MAP2K4: variants seen among roughly 807,000 people sequenced by gnomAD.
MAP2K4 encodes the protein dual specificity mitogen-activated protein kinase kinase 4.
In MAP2K4, 4 loss-of-function variants were observed where a neutral mutation model predicts 48.5. The ratio of observed to expected loss-of-function variants is 0.08; its 90% confidence interval spans 0.04 to 0.19. The LOEUF is 0.19. MAP2K4 is among the 10% of genes least tolerant of loss of function. The probability of loss-of-function intolerance (pLI) is 1.00; values close to 1 mark genes in which losing one functional copy is unlikely to be tolerated. For synonymous variants in MAP2K4, 166 were observed against 173.1 expected, an observed-to-expected ratio of 0.96 and a Z score of 0.32; for missense variants, 258 against 493.3, an observed-to-expected ratio of 0.52 and a Z score of 4.52.
chr17:12,042,167 CAAAA>C (rs71142262), intron 1 of MAP2K4, among the ~76,000 whole-genome samples: 3 of 55,384 alleles, frequency 5.4e-5, no homozygotes, highest in Non-Finnish European at 9.6e-5. Flanking sequence ...AACTTTGTCT[CAAAA>C]AAAAAAAAAA....
At chr17:12,106,611 C>A (rs1172084479) in intron 4 of MAP2K4, among the ~76,000 whole-genome samples, 2 of 151,694 alleles carry the variant, frequency 1.3e-5, no homozygotes, top group South Asian at 2.1e-4. Context: ...ATTATATAAT[C>A]GAAGGATAGG....
At chr17:12,137,760 C>T (rs1567678011) in intron 9 of MAP2K4, among the ~76,000 whole-genome samples, 1 of 151,834 alleles carries the variant, frequency 6.6e-6, no homozygotes, top group East Asian at 1.9e-4. Flanking sequence ...AAAGTGAAGT[C>T]TCTTTATCAT....
chr17:12,141,119 G>T, intron 10 of MAP2K4, 28 bp from the exon 11 acceptor site: 1 of 1,456,326 alleles, frequency 6.9e-7, no homozygotes, highest in South Asian at 1.1e-5. Context: ...ACAAACTTTT[G>T]ACTTTTTTGT....
chr17:12,109,015 G>A (rs1972220056), intron 5 of MAP2K4, among the ~76,000 whole-genome samples: 1 of 151,718 alleles, frequency 6.6e-6, no homozygotes, highest in Non-Finnish European at 1.5e-5. Flanking sequence ...ATAGCTAATG[G>A]TTATTAAATG....
At chr17:12,069,749 CG>C in intron 2 of MAP2K4, 2 of 1,106,986 alleles carry the variant, frequency 1.8e-6, no homozygotes, top group South Asian at 2.1e-5. Context: ...TGGAAATTTC[CG>C]GAATTAACAG....
intron 9 of MAP2K4, among the ~76,000 whole-genome samples, chr17:12,134,596 GAATTAA>G (rs912894020): frequency 2.0e-4 from 30 of 152,190 alleles, no homozygotes; most frequent in Non-Finnish European, 1.6e-4. Flanking sequence ...TGTAGACAAA[GAATTAA>G]AATTAAAATT....
At chr17:12,035,187 A>G (rs779490773) in intron 1 of MAP2K4, among the ~76,000 whole-genome samples, 1 of 152,240 alleles carries the variant, frequency 6.6e-6, no homozygotes, top group Non-Finnish European at 1.5e-5. Flanking sequence ...GAATATAGAC[A>G]TTAACTTTAT....
chr17:12,044,308 A>G (rs556417838), intron 1 of MAP2K4, among the ~76,000 whole-genome samples: 93 of 152,266 alleles, frequency 6.1e-4, no homozygotes, highest in African/African-American at 2.1e-3. Context: ...AAGGATGAAC[A>G]TGGTTTGTTT....
intron 1 of MAP2K4, among the ~76,000 whole-genome samples, chr17:12,024,788 A>G (rs1969204841): frequency 2.0e-5 from 3 of 152,202 alleles, no homozygotes; most frequent in Admixed American, 6.5e-5. Flanking sequence ...ATTTTAGCCA[A>G]CCTAAAGTAC....
rs543722111 is a variant in MAP2K4 at position 12,030,383 on chromosome 17, T to C, written c.115+9382T>C. ...TGGATGTTTGGATGAGACCCCAGAA[T>C]TCGTTCACCTGGTCACTTCATAATT... On this transcript the variant is annotated intron_variant, in intron 1 of 10. Coordinates refer to ENST00000353533, the MANE Select transcript of MAP2K4 (RefSeq NM_003010.4). Among the ~76,000 whole-genome samples, 6 of 152,300 alleles carry C rather than the reference T, an allele frequency of 3.9e-5. No individual in the cohort carries two copies. In the East Asian group the frequency reaches 5.8e-4, roughly 15 times the overall value.
chr17:12,046,754 G>A (rs1283393540), intron 1 of MAP2K4, among the ~76,000 whole-genome samples: 1 of 152,144 alleles, frequency 6.6e-6, no homozygotes, highest in Non-Finnish European at 1.5e-5. Context: ...GGTTTAAAAG[G>A]AATTTAGGGT....
At chr17:12,093,406 T>C (rs561954366) in intron 3 of MAP2K4, among the ~76,000 whole-genome samples, 1 of 152,298 alleles carries the variant, frequency 6.6e-6, no homozygotes, top group African/African-American at 2.4e-5. Flanking sequence ...ATGTAGTCCA[T>C]ATATCCTTTC....
intron 2 of MAP2K4, among the ~76,000 whole-genome samples, chr17:12,074,353 A>G (rs1250777847): frequency 1.3e-5 from 2 of 151,960 alleles, no homozygotes; most frequent in Non-Finnish European, 2.9e-5. Flanking sequence ...TTGTATTTTC[A>G]TGAATGTTTT....
chr17:12,070,867 G>A (rs1273923868), intron 2 of MAP2K4, among the ~76,000 whole-genome samples: 7 of 152,210 alleles, frequency 4.6e-5, no homozygotes, highest in Non-Finnish European at 1.0e-4. Context: ...CAAGGCTTCT[G>A]TGAGATTACC....
rs28918125 is a variant in MAP2K4 at position 12,073,202 on chromosome 17, C to G, written c.219-8154C>G. On this transcript the variant is annotated intron_variant, in intron 2 of 10. Transcript: ENST00000353533. ...TTCTTTTATAGCAGAGACTTCATCC[C>G]TTTTCATGTTCATTTCTTCTCCTGC... Among the ~76,000 whole-genome samples the G allele has an allele frequency of 8.4e-3, 1,274 of 152,196 alleles. 12 individuals carry two copies. Among genetic ancestry groups the G allele is most frequent in the Middle Eastern group, 0.027 (8 of 294 alleles).
intron 3 of MAP2K4, 54 bp from the exon 4 acceptor site, chr17:12,095,521 T>G: frequency 1.2e-6 from 2 of 1,607,722 alleles, no homozygotes; most frequent in Middle Eastern, 1.7e-4. Context: ...AAATTATTGG[T>G]GTTTTTGACA....
At chr17:12,104,322 T>A (rs1196688684) in intron 4 of MAP2K4, among the ~76,000 whole-genome samples, 3 of 152,110 alleles carry the variant, frequency 2.0e-5, no homozygotes, top group Non-Finnish European at 4.4e-5. Context: ...TTGGCTGCCT[T>A]TCTATACTTT....
At chr17:12,052,047 C>A (rs190259199) in intron 1 of MAP2K4, among the ~76,000 whole-genome samples, 1 of 152,056 alleles carries the variant, frequency 6.6e-6, no homozygotes, top group Non-Finnish European at 1.5e-5. Context: ...CTTCCTTTTC[C>A]TCCTCAAAAC....
chr17:12,122,001 A>C (rs980708106), intron 7 of MAP2K4, among the ~76,000 whole-genome samples: 5 of 152,222 alleles, frequency 3.3e-5, no homozygotes, highest in African/African-American at 1.2e-4. Context: ...TAAGGAGTTC[A>C]TGGTTTTTCG....
Sources: gnomAD v4.1 joint callset for allele counts (sites outside exome capture counted in the v4.1 genomes callset) on GRCh38, gnomAD v4.1.1 for gene constraint, MANE v1.5 for transcripts, NCBI Gene and HGNC (gene_info 2026-07-23, HGNC 2026-07-21) for gene names.